The following SUSD6 variants were observed in gnomAD, a reference collection of about 807,000 sequenced individuals.
The protein encoded by SUSD6 is sushi domain-containing protein 6.
Under a neutral mutation model 28.4 loss-of-function variants are expected in SUSD6, and 16 were observed. The ratio of observed to expected loss-of-function variants is 0.56; its 90% CI spans 0.38 to 0.86. The LOEUF (loss-of-function observed/expected upper bound fraction) is 0.86. Among genes scored for constraint, SUSD6 ranks in the 40% least tolerant of loss-of-function variants. The pLI is 0.00. For missense variants in SUSD6, 341 were observed against 384.2 expected (o/e 0.89, Z 0.94); for synonymous variants, 147 against 159.6 (o/e 0.92, Z 0.59).
chr14:69,672,265 C>T (rs1295915541), intron 2 of SUSD6, among the ~76,000 whole-genome samples: 1 of 152,146 alleles, frequency 6.6e-6, no homozygotes, highest in Non-Finnish European at 1.5e-5. Context: ...GATAATGCCT[C>T]ATTCCTGGGA....
intron 1 of SUSD6, among the ~76,000 whole-genome samples, chr14:69,622,537 T>A (rs751231469): frequency 1.3e-5 from 2 of 152,210 alleles, no homozygotes; most frequent in Non-Finnish European, 2.9e-5. Flanking sequence ...TTCTCTGTGT[T>A]TACTGTGCAG....
In SUSD6 at chr14:69,688,114, A is replaced by C. The variant is rs185219936; in HGVS notation, c.122-15281A>C. On this transcript the variant is annotated intron_variant, in intron 2 of 5. Transcript: ENST00000342745. ...ACTCCTCTCTGCATTGGGCAGAAAGAAGAAGACTAGATGTATTTACTGATT... is the reference window on the plus strand; with the variant it reads ...ACTCCTCTCTGCATTGGGCAGAAAGCAGAAGACTAGATGTATTTACTGATT... Among the ~76,000 whole-genome samples, 901 of 152,292 alleles carry C rather than the reference A, an allele frequency of 5.9e-3. 6 individuals carry two copies. Among genetic ancestry groups the C allele is most frequent in the African/African-American group, 0.021 (862 of 41,564 alleles).
chr14:69,651,506 G>A (rs955704944), intron 1 of SUSD6, among the ~76,000 whole-genome samples: 1 of 152,204 alleles, frequency 6.6e-6, no homozygotes, highest in Non-Finnish European at 1.5e-5. Flanking sequence ...TCAAGTAGGA[G>A]CTGGAGATTA....
intron 1 of SUSD6, among the ~76,000 whole-genome samples, chr14:69,613,184 A>AG (rs1884907181): frequency 6.6e-6 from 1 of 152,196 alleles, no homozygotes; most frequent in African/African-American, 2.4e-5. Context: ...CTTTGTGCTA[A>AG]GGGCTTTACT....
intron 1 of SUSD6, among the ~76,000 whole-genome samples, chr14:69,645,101 G>A (rs950393312): frequency 6.6e-6 from 1 of 152,186 alleles, no homozygotes; most frequent in African/African-American, 2.4e-5. Flanking sequence ...TTATAAATTA[G>A]GAGGCTTCCT....
At chr14:69,660,752 A>C (rs1317326599) in intron 2 of SUSD6, among the ~76,000 whole-genome samples, 1 of 152,236 alleles carries the variant, frequency 6.6e-6, no homozygotes, top group Admixed American at 6.5e-5. Context: ...ATTTCATGAC[A>C]TGTAAAAATG....
intron 1 of SUSD6, among the ~76,000 whole-genome samples, chr14:69,642,122 A>G (rs1489357691): frequency 6.6e-6 from 1 of 152,174 alleles, no homozygotes; most frequent in Admixed American, 6.5e-5. Context: ...TTTTATTGAA[A>G]GCCAATCATA....
At chr14:69,648,222 T>A (rs1049651120) in intron 1 of SUSD6, among the ~76,000 whole-genome samples, 1 of 152,230 alleles carries the variant, frequency 6.6e-6, no homozygotes, top group Non-Finnish European at 1.5e-5. Flanking sequence ...CATTATTAAG[T>A]ACCATTTTAT....
intron 2 of SUSD6, among the ~76,000 whole-genome samples, chr14:69,681,368 A>G (rs1171362639): frequency 2.0e-5 from 3 of 152,250 alleles, no homozygotes; most frequent in African/African-American, 7.2e-5. Flanking sequence ...CAGCCTAAAA[A>G]AATAAAACTT....
chr14:69,685,869 A>G (rs1324663822), intron 2 of SUSD6, among the ~76,000 whole-genome samples: 2 of 152,192 alleles, frequency 1.3e-5, no homozygotes, highest in Non-Finnish European at 2.9e-5. Flanking sequence ...GCCTTTGTGT[A>G]ATGAATTTGG....
chr14:69,634,316 A>G (rs183540794), intron 1 of SUSD6, among the ~76,000 whole-genome samples: 32 of 152,210 alleles, frequency 2.1e-4, no homozygotes, highest in African/African-American at 7.7e-4. Flanking sequence ...TATTATTGGC[A>G]CTTGTATTGA....
intron 1 of SUSD6, among the ~76,000 whole-genome samples, chr14:69,645,015 T>C (rs1885406899): frequency 6.6e-6 from 1 of 152,144 alleles, no homozygotes; most frequent in African/African-American, 2.4e-5. Flanking sequence ...TGCTTGTACC[T>C]CACAGTCCCA....
At chr14:69,657,324 G>A (rs930449274) in intron 1 of SUSD6, among the ~76,000 whole-genome samples, 15 of 152,080 alleles carry the variant, frequency 9.9e-5, no homozygotes, top group Admixed American at 7.2e-4. Context: ...GTGTGGTGGC[G>A]GGCACCTGTA....
At chr14:69,696,309 T>C (rs1459180336) in intron 2 of SUSD6, among the ~76,000 whole-genome samples, 1 of 152,232 alleles carries the variant, frequency 6.6e-6, no homozygotes, top group East Asian at 1.9e-4. Flanking sequence ...CTGCTTCATG[T>C]AGAGAGAGAA....
At position 69,708,811 on chromosome 14, in the gene SUSD6, T is replaced by C. The variant is rs751545437; in HGVS notation, c.593T>C (p.Ile198Thr). 25 of 1,614,054 alleles carry C rather than the reference T, an allele frequency of 1.5e-5. No homozygotes were observed. Among genetic ancestry groups the C allele is most frequent in the East Asian group, 2.2e-5 (1 of 44,880 alleles). Residue 198 changes from isoleucine (I) to threonine (T), a missense_variant, in exon 5 of 6, where the codon ATT becomes ACT. By Grantham distance (89) the Ile-to-Thr change is moderately conservative. Coordinates refer to ENST00000342745, the MANE Select transcript of SUSD6 (RefSeq NM_014734.4). ...CCACCTGCTGACCCCAGAGTACAGATTGTGCTGTCAGAAGGGTCTGGGCCC... is the reference window on the plus strand; with the variant it reads ...CCACCTGCTGACCCCAGAGTACAGACTGTGCTGTCAGAAGGGTCTGGGCCC... ...CVPPADPRVQ[I>T]VLSEGSGPSG...
chr14:69,648,986 T>C (rs1885466614), intron 1 of SUSD6, among the ~76,000 whole-genome samples: 1 of 152,214 alleles, frequency 6.6e-6, no homozygotes. Context: ...CTGGGAGCTC[T>C]AAATTTGTGC....
chr14:69,689,313 C>A (rs1039659653), intron 2 of SUSD6, among the ~76,000 whole-genome samples: 10 of 152,150 alleles, frequency 6.6e-5, no homozygotes, highest in Admixed American at 6.5e-4. Flanking sequence ...CACCTGCCTA[C>A]CTTCACCTGC....
intron 2 of SUSD6, among the ~76,000 whole-genome samples, chr14:69,691,899 T>C (rs1478457941): frequency 2.6e-5 from 4 of 152,018 alleles, no homozygotes; most frequent in Middle Eastern, 6.8e-3. Flanking sequence ...ATTAGCCCGG[T>C]GTGGTGGCAC....
intron 2 of SUSD6, among the ~76,000 whole-genome samples, chr14:69,695,313 G>A (rs1269996807): frequency 5.3e-5 from 8 of 152,182 alleles, no homozygotes; most frequent in Non-Finnish European, 1.5e-5. Flanking sequence ...GTCCACAGCA[G>A]GAATCTGTCC....
Sources: allele counts gnomAD v4.1 joint callset (sites outside exome capture counted in the v4.1 genomes callset), GRCh38; gene constraint gnomAD v4.1.1; transcripts MANE v1.5; gene names NCBI Gene and HGNC (gene_info 2026-07-23, HGNC 2026-07-21).